Variants in PCDH9 observed in about 807,000 individuals in gnomAD.
PCDH9 encodes protocadherin 9.
PCDH9 carries 24 observed loss-of-function variants against 70.6 expected under a neutral mutation model. That is an observed-to-expected ratio of 0.34 (90% CI 0.25 to 0.48). The LOEUF is 0.48. Among genes scored for constraint, PCDH9 ranks in the 20% least tolerant of loss-of-function variants. PCDH9 has a pLI of 0.99. For missense variants in PCDH9, 1,281 were observed against 1,503.6 expected (o/e 0.85, Z 2.45); for synonymous variants, 562 against 558.5 (o/e 1.01, Z -0.09).
At chr13:66,718,832 G>A (rs900827548) in intron 3 of PCDH9, among the ~76,000 whole-genome samples, 1 of 152,162 alleles carries the variant, frequency 6.6e-6, no homozygotes, top group African/African-American at 2.4e-5. Flanking sequence ...ATATTTTCTT[G>A]AGCAAATTAA....
At chr13:66,670,372 T>C (rs115644642) in intron 3 of PCDH9, among the ~76,000 whole-genome samples, 46 of 152,246 alleles carry the variant, frequency 3.0e-4, no homozygotes, top group African/African-American at 1.1e-3. Context: ...ATATCCCTAA[T>C]AGAAAATATG....
intron 2 of PCDH9, among the ~76,000 whole-genome samples, chr13:67,120,830 A>G (rs1416451489): frequency 6.6e-6 from 1 of 152,150 alleles, no homozygotes. Flanking sequence ...ATATATAATG[A>G]TGGAAAACAT....
chr13:66,755,783 T>G (rs9571646), intron 3 of PCDH9, among the ~76,000 whole-genome samples: 14,526 of 151,916 alleles, frequency 0.096, 728 homozygotes, highest in East Asian at 0.13. Context: ...GAAACAAGGA[T>G]GAACAAAACA....
chr13:66,352,137 A>C (rs1956303078), intron 4 of PCDH9, among the ~76,000 whole-genome samples: 1 of 152,186 alleles, frequency 6.6e-6, no homozygotes, highest in Admixed American at 6.6e-5. Context: ...TGCCCGGCCT[A>C]CACATTCATT....
chr13:67,038,925 G>T (rs947494056), intron 2 of PCDH9, among the ~76,000 whole-genome samples: 12 of 152,252 alleles, frequency 7.9e-5, no homozygotes, highest in Admixed American at 1.3e-4. Context: ...ACCAGTCTTG[G>T]TCGCCAAAAA....
At chr13:66,760,308 G>A (rs2079603903) in intron 3 of PCDH9, among the ~76,000 whole-genome samples, 1 of 152,040 alleles carries the variant, frequency 6.6e-6, no homozygotes, top group African/African-American at 2.4e-5. Flanking sequence ...GAAAGTTTTT[G>A]ATTATAATAT....
At chr13:67,134,502 A>G (rs572037939) in intron 2 of PCDH9, among the ~76,000 whole-genome samples, 4 of 152,246 alleles carry the variant, frequency 2.6e-5, no homozygotes, top group African/African-American at 9.6e-5. Flanking sequence ...AGAGAATCAG[A>G]GTCACTGACA....
intron 4 of PCDH9, among the ~76,000 whole-genome samples, chr13:66,552,536 T>C (rs755402184): frequency 6.6e-6 from 1 of 152,150 alleles, no homozygotes; most frequent in Admixed American, 6.5e-5. Flanking sequence ...CAGAGCCTGA[T>C]GCCTGTCTCA....
chr13:66,541,388 A>G (rs934667325), intron 4 of PCDH9, among the ~76,000 whole-genome samples: 4 of 152,172 alleles, frequency 2.6e-5, no homozygotes, highest in Non-Finnish European at 1.5e-5. Flanking sequence ...GTGGCTTAAA[A>G]CAACATAAAT....
intron 4 of PCDH9, among the ~76,000 whole-genome samples, chr13:66,356,138 A>C (rs1208599060): frequency 2.0e-5 from 3 of 152,174 alleles, no homozygotes; most frequent in Admixed American, 2.0e-4. Context: ...ACTAATAAAA[A>C]TCAATTCAGA....
chr13:66,724,584 ATC>A (rs1340397894), intron 3 of PCDH9, among the ~76,000 whole-genome samples: 1 of 152,058 alleles, frequency 6.6e-6, no homozygotes, highest in Non-Finnish European at 1.5e-5. Context: ...CCAAACCACA[ATC>A]TCTGCAGCCA....
At chr13:67,042,177 T>C (rs771427251) in intron 2 of PCDH9, among the ~76,000 whole-genome samples, 6 of 152,148 alleles carry the variant, frequency 3.9e-5, no homozygotes, top group Non-Finnish European at 7.3e-5. Flanking sequence ...TGTATAGTAT[T>C]AGTCTTCTGA....
Position 66,843,972 on chromosome 13 carries a change from C to A in PCDH9, c.3138+59532G>T, listed in dbSNP as rs187638783. 1.4e-4 allele frequency among the ~76,000 whole-genome samples: 22 copies of A among 152,142 alleles called. No homozygotes were observed. In the East Asian group the frequency reaches 4.1e-3, roughly 28 times the overall value. On this transcript the variant is annotated intron_variant, in intron 3 of 4. Transcript: ENST00000377865. ...TCCAATGCATGATGGAACGAGTAGA[C>A]CTGACTCTAAAATGTAGCAATACTT...
chr13:66,653,217 A>G (rs2077877533), intron 3 of PCDH9, among the ~76,000 whole-genome samples: 1 of 152,202 alleles, frequency 6.6e-6, no homozygotes, highest in Non-Finnish European at 1.5e-5. Context: ...CAAAGTGAAG[A>G]GACAGTCCAC....
At chr13:66,502,029 G>A (rs1289628644) in intron 4 of PCDH9, among the ~76,000 whole-genome samples, 1 of 152,112 alleles carries the variant, frequency 6.6e-6, no homozygotes, top group African/African-American at 2.4e-5. Context: ...GTGAGAAACA[G>A]ATGCATTTTT....
chr13:66,351,789 A>G (rs1013054482), intron 4 of PCDH9, among the ~76,000 whole-genome samples: 1 of 152,020 alleles, frequency 6.6e-6, no homozygotes, highest in African/African-American at 2.4e-5. Flanking sequence ...ATAACAATAT[A>G]AAAAAATAAA....
At chr13:66,518,007 C>A (rs964819529) in intron 4 of PCDH9, among the ~76,000 whole-genome samples, 7 of 151,950 alleles carry the variant, frequency 4.6e-5, no homozygotes, top group Non-Finnish European at 7.4e-5. Context: ...TAAAGAAATA[C>A]CTGAGATTGG....
intron 4 of PCDH9, among the ~76,000 whole-genome samples, chr13:66,319,408 G>A (rs1285564713): frequency 1.3e-5 from 2 of 150,910 alleles, no homozygotes; most frequent in Admixed American, 1.3e-4. Context: ...TTGACTTTGT[G>A]GTAGAGAAGG....
intron 3 of PCDH9, among the ~76,000 whole-genome samples, chr13:66,739,591 A>G (rs1367407007): frequency 2.0e-5 from 3 of 148,618 alleles, no homozygotes; most frequent in Non-Finnish European, 4.5e-5. Context: ...TGTATTCAGG[A>G]ATCCCATCTC....
Sources: gnomAD v4.1 joint callset for allele counts (sites outside exome capture counted in the v4.1 genomes callset) on GRCh38, gnomAD v4.1.1 for gene constraint, MANE v1.5 for transcripts, NCBI Gene and HGNC (gene_info 2026-07-23, HGNC 2026-07-21) for gene names.